AGTPBP1: variants seen among roughly 807,000 people sequenced by gnomAD.
AGTPBP1 encodes ATP/GTP binding carboxypeptidase 1.
Under a neutral mutation model 143.9 loss-of-function variants are expected in AGTPBP1, and 70 were observed. The ratio of observed to expected loss-of-function variants is 0.49; its 90% CI spans 0.40 to 0.59. AGTPBP1 has a LOEUF of 0.59. AGTPBP1 is among the 20% of genes least tolerant of loss of function. The probability of loss-of-function intolerance (pLI) is 0.00; values close to 1 mark genes in which losing one functional copy is unlikely to be tolerated. For missense variants in AGTPBP1, 1,229 were observed against 1,464.5 expected, an observed-to-expected ratio of 0.84 and a Z score of 2.62; for synonymous variants, 463 against 500.2, an observed-to-expected ratio of 0.93 and a Z score of 0.99.
chr9:85,669,100 G>C (rs1834326236), intron 8 of AGTPBP1, among the ~76,000 whole-genome samples: 1 of 150,198 alleles, frequency 6.7e-6, no homozygotes, highest in Non-Finnish European at 1.5e-5. Flanking sequence ...ATCAATTTAA[G>C]ATTGTTCAGG....
At position 85,698,679 on chromosome 9, in the gene AGTPBP1, C is replaced by CTTTTTT. The variant is rs34248388; in HGVS notation, c.33-5872_33-5867dup. On this transcript the variant is annotated intron_variant, in intron 2 of 25. Coordinates refer to ENST00000357081, the MANE Select transcript of AGTPBP1 (RefSeq NM_001330701.2). The stretch of plus-strand genomic sequence containing the variant: ...GGAAATGTATCTTCCCCACCTAACC[C>CTTTTTT]TTTTTTTTTTTTTTTTTTTTTTTTT... Among the ~76,000 whole-genome samples, 737 of 76,594 alleles carry CTTTTTT rather than the reference C, an allele frequency of 9.6e-3. 42 individuals are homozygous for CTTTTTT. Among genetic ancestry groups the CTTTTTT allele is most frequent in the African/African-American group, 0.015 (265 of 17,402 alleles). The allele number at this position is 76,594 out of a possible 152,430, so 50.2% of individuals were successfully genotyped here. A position where few individuals can be genotyped will look rare whatever the true frequency, so the allele number is the denominator to read the frequency against.
chr9:85,733,443 C>A (rs56211720), intron 1 of AGTPBP1, among the ~76,000 whole-genome samples: 5,920 of 152,148 alleles, frequency 0.039, 248 homozygotes, highest in East Asian at 0.21. Flanking sequence ...AAAGACATGA[C>A]ATACCAAAAC....
At chr9:85,648,640 G>A (rs1587823995) in intron 11 of AGTPBP1, among the ~76,000 whole-genome samples, 2 of 152,100 alleles carry the variant, frequency 1.3e-5, no homozygotes, top group Non-Finnish European at 2.9e-5. Flanking sequence ...GTGAAACCCC[G>A]TCTCTACTAA....
intron 6 of AGTPBP1, among the ~76,000 whole-genome samples, chr9:85,675,292 A>C (rs62569208): frequency 0.017 from 2,548 of 152,292 alleles, 26 homozygotes; most frequent in Middle Eastern, 0.054. Flanking sequence ...AGTTCTAGTC[A>C]AAGGGTGCCT....
chr9:85,694,203 T>C (rs1293124634), intron 2 of AGTPBP1, among the ~76,000 whole-genome samples: 1 of 152,230 alleles, frequency 6.6e-6, no homozygotes, highest in Non-Finnish European at 1.5e-5. Context: ...GGCTGGTACA[T>C]TGAGATTCAA....
chr9:85,736,676 G>A (rs10868342), intron 1 of AGTPBP1, among the ~76,000 whole-genome samples: 28,312 of 152,070 alleles, frequency 0.19, 4,239 homozygotes, highest in East Asian at 0.76. Flanking sequence ...TAAAAGCACG[G>A]TGCGTGGGCC....
intron 17 of AGTPBP1, among the ~76,000 whole-genome samples, chr9:85,614,081 A>G (rs1587739117): frequency 6.6e-6 from 1 of 152,204 alleles, no homozygotes; most frequent in East Asian, 1.9e-4. Context: ...TTAGAAATAG[A>G]AAAATATGTA....
the AGTPBP1 span, chr9:85,792,047 T>C: frequency 6.6e-6 from 1 of 152,022 alleles, no homozygotes; most frequent in African/African-American, 2.4e-5. Context: ...ATGGGATTTA[T>C]TTTTGTAAAA....
At chr9:85,655,424 C>T in intron 10 of AGTPBP1, 104 bp from the exon 11 acceptor site, 1 of 958,178 alleles carries the variant, frequency 1.0e-6, no homozygotes, top group Non-Finnish European at 1.5e-6. Context: ...TTTCTAGAAA[C>T]AAATATCTCA....
At chr9:85,558,029 A>T (rs879627681) in intron 25 of AGTPBP1, among the ~76,000 whole-genome samples, 6 of 152,218 alleles carry the variant, frequency 3.9e-5, no homozygotes, top group Non-Finnish European at 5.9e-5. Context: ...TAGGTTTTTT[A>T]AAAATGTTAA....
At chr9:85,757,538 T>G in the AGTPBP1 span, among the ~76,000 whole-genome samples, 1 of 152,128 alleles carries the variant, frequency 6.6e-6, no homozygotes, top group Non-Finnish European at 1.5e-5. Context: ...GCTTATTAAC[T>G]TAGCAGAACA....
chr9:85,668,405 G>A (rs1834263054), intron 8 of AGTPBP1, among the ~76,000 whole-genome samples: 1 of 151,772 alleles, frequency 6.6e-6, no homozygotes, highest in South Asian at 2.1e-4. Flanking sequence ...TGAGGCTACA[G>A]TGTGCCATGA....
At chr9:85,784,493 A>C in the AGTPBP1 span, among the ~76,000 whole-genome samples, 2 of 152,158 alleles carry the variant, frequency 1.3e-5, no homozygotes, top group South Asian at 4.2e-4. Flanking sequence ...CTGCAGCCTC[A>C]AACTCCTGGG....
rs1283556939 is a variant in AGTPBP1, at chr9:85,633,134, C to T, written c.1543G>A (p.Asp515Asn). The T allele has an allele frequency of 6.2e-7, 1 of 1,613,886 alleles. No homozygotes were observed. The highest frequency in any genetic ancestry group is 2.2e-5 in the East Asian group (1 of 44,884). Residue 515 changes from aspartate (D) to asparagine (N), a missense_variant, in exon 14 of 26, where the codon GAT becomes AAT. By Grantham distance (23) the Asp-to-Asn change is conservative (BLOSUM62 1). Coordinates refer to ENST00000357081, the MANE Select transcript of AGTPBP1 (RefSeq NM_001330701.2). The stretch of plus-strand genomic sequence containing the variant: ...ACTGATGAAATAGTTCTATTTTGAT[C>T]ACCTGGCTGCTGTTGTAATGTTCTA... The part of the protein sequence containing the change: ...NDRTLQQQPG[D>N]QNRTISSVHG...
intron 1 of AGTPBP1, 40 bp downstream of exon 1, chr9:85,741,735 A>G: frequency 7.8e-7 from 1 of 1,279,022 alleles, no homozygotes; most frequent in Non-Finnish European, 9.9e-7. Flanking sequence ...GAGCAGAGGG[A>G]CGGCCGGCCG....
intron 1 of AGTPBP1, chr9:85,741,295 C>T (rs1824246547): frequency 1.0e-6 from 1 of 985,304 alleles, no homozygotes; most frequent in Non-Finnish European, 1.2e-6. Flanking sequence ...CAGTCGGGAA[C>T]GCTAGAATTC....
At chr9:85,547,485 A>C (rs2118284793) in intron 25 of AGTPBP1, among the ~76,000 whole-genome samples, 199 bp from the exon 26 acceptor site, 1 of 152,370 alleles carries the variant, frequency 6.6e-6, no homozygotes, top group South Asian at 2.1e-4. Flanking sequence ...GTGAAATGTG[A>C]ATCATTAATT....
the AGTPBP1 span, among the ~76,000 whole-genome samples, chr9:85,777,045 C>T: frequency 6.6e-6 from 1 of 152,082 alleles, no homozygotes; most frequent in Non-Finnish European, 1.5e-5. Context: ...GCCATTCCAC[C>T]GTTCTATCAG....
intron 2 of AGTPBP1, among the ~76,000 whole-genome samples, chr9:85,697,674 G>C (rs932038928): frequency 7.9e-5 from 12 of 151,600 alleles, no homozygotes; most frequent in African/African-American, 2.9e-4. Flanking sequence ...GGATGTTCTC[G>C]ATCTCCTGAC....
Sources: gnomAD v4.1 joint callset for allele counts (sites outside exome capture counted in the v4.1 genomes callset) on GRCh38, gnomAD v4.1.1 for gene constraint, MANE v1.5 for transcripts, NCBI Gene and HGNC (gene_info 2026-07-23, HGNC 2026-07-21) for gene names.